Variants in RPS6KB1 observed in about 807,000 individuals in gnomAD.
RPS6KB1 encodes ribosomal protein S6 kinase beta-1.
RPS6KB1 carries 12 observed loss-of-function variants against 70.2 expected under a neutral mutation model. The observed-to-expected ratio is 0.17, with a 90% CI of 0.11 to 0.28. The LOEUF is 0.28. Among genes scored for constraint, RPS6KB1 ranks in the 10% least tolerant of loss-of-function variants. The probability of loss-of-function intolerance (pLI) is 1.00; values close to 1 mark genes in which losing one functional copy is unlikely to be tolerated. For synonymous variants in RPS6KB1, 175 were observed against 211.2 expected, an observed-to-expected ratio of 0.83 and a Z score of 1.49; for missense variants, 270 against 646.6, an observed-to-expected ratio of 0.42 and a Z score of 6.32.
intron 4 of RPS6KB1, among the ~76,000 whole-genome samples, chr17:59,920,381 T>TA (rs893005919): frequency 6.6e-6 from 1 of 152,192 alleles, no homozygotes; most frequent in Non-Finnish European, 1.5e-5. Flanking sequence ...AGTGACTTTT[T>TA]AAAAAAATTA....
intron 10 of RPS6KB1, among the ~76,000 whole-genome samples, chr17:59,935,984 G>A (rs1357662186): frequency 6.6e-6 from 1 of 151,232 alleles, no homozygotes; most frequent in African/African-American, 2.4e-5. Flanking sequence ...GCTAATTTTT[G>A]TATTTTTAGT....
chr17:59,917,540 C>T lies in RPS6KB1; in HGVS notation c.381+2837C>T, dbSNP rs1289527262. Among the ~76,000 whole-genome samples the T allele has an allele frequency of 3.9e-5, 6 of 152,206 alleles. No homozygotes were observed. In the East Asian group the frequency reaches 7.7e-4, roughly 20 times the overall value. On this transcript the variant is annotated intron_variant, in intron 4 of 14. Transcript: ENST00000225577. ...GTAACCTGTAACTCCTGGGCTCAAG[C>T]GATCCTCCTGCCACAACTTCTGAGT... is the stretch of plus-strand genomic sequence containing the variant.
chr17:59,931,783 G>A, intron 7 of RPS6KB1, 61 bp downstream of exon 7: 1 of 1,191,188 alleles, frequency 8.4e-7, no homozygotes, highest in Non-Finnish European at 1.2e-6. Flanking sequence ...TCCCACATAG[G>A]TCGTGGCCAT....
At chr17:59,945,125 C>T (rs1399794322) in intron 13 of RPS6KB1, 1 of 242,362 alleles carries the variant, frequency 4.1e-6, no homozygotes, top group Non-Finnish European at 8.0e-6. Context: ...TCATATGGAG[C>T]CTGAATTTTC....
In RPS6KB1 at chr17:59,893,280, G is replaced by A; in HGVS notation, c.96G>A (p.Leu32=). 1 of 1,612,152 alleles carries A rather than the reference G, an allele frequency of 6.2e-7. No homozygotes were observed. Among genetic ancestry groups the A allele is most frequent in the Non-Finnish European group, 8.5e-7 (1 of 1,179,328 alleles). ...TGGCAGGAGTGTTTGACATAGACCTGGACCAGCCAGAGGACGCGGGCTCTG... is the reference window on the plus strand; with the variant it reads ...TGGCAGGAGTGTTTGACATAGACCTAGACCAGCCAGAGGACGCGGGCTCTG... The part of the protein sequence containing the change: ...EDMAGVFDID[L]DQPEDAGSED... Residue 32 remains leucine, a synonymous_variant, in exon 1 of 15, where the codon CTG becomes CTA. Coordinates refer to ENST00000225577, the MANE Select transcript of RPS6KB1 (RefSeq NM_003161.4). This position sits in a 1 kb window ranked among gnomAD's most constrained non-coding sequence, Gnocchi z 4.1.
intron 3 of RPS6KB1, 119 bp downstream of exon 3, chr17:59,912,923 C>G: frequency 9.4e-7 from 1 of 1,066,362 alleles, no homozygotes; most frequent in South Asian, 1.5e-5. Context: ...GTGATCATGA[C>G]CACTTAGCTG....
rs1442597365 is a variant in RPS6KB1, at chr17:59,893,782, C to G, written c.141+457C>G. Reference sequence around the variant, plus strand: ...ACAACCACCTCTCTTCTCGGCCTGTCGCTTCTCTCCTAGGAAGCGCTCAGC... The same window carrying G: ...ACAACCACCTCTCTTCTCGGCCTGTGGCTTCTCTCCTAGGAAGCGCTCAGC... On this transcript the variant is annotated intron_variant, in intron 1 of 14. Transcript: ENST00000225577. The surrounding 1 kb of genome is among the most constrained non-coding windows in gnomAD (Gnocchi z 4.1). 2 of 990,840 alleles carry G rather than the reference C, an allele frequency of 2.0e-6. No individual in the cohort carries two copies. The highest frequency in any genetic ancestry group is 3.5e-5 in the African/African-American group (2 of 57,352). The allele number at this position is 990,840 out of a possible 1,614,324, so 61.4% of individuals were successfully genotyped here.
Position 59,923,342 on chromosome 17 carries a change from T to C in RPS6KB1, c.382-3093T>C, listed in dbSNP as rs1356362044. Among the ~76,000 whole-genome samples, 6 of 151,888 alleles carry C rather than the reference T, an allele frequency of 4.0e-5. No homozygotes were observed. In the East Asian group the frequency reaches 1.2e-3, roughly 29 times the overall value. ...GAGTAACGGGAGTATAGGTGTGTAC[T>C]ATCACACGTGGCTAATTCTTGTATT... On this transcript the variant is annotated intron_variant, in intron 4 of 14. Coordinates refer to ENST00000225577, the MANE Select transcript of RPS6KB1 (RefSeq NM_003161.4).
rs1432092030 is a variant in RPS6KB1 at position 59,893,482 on chromosome 17, T to C, written c.141+157T>C. On this transcript the variant is annotated intron_variant, in intron 1 of 14. Transcript: ENST00000225577. The surrounding 1 kb of genome is among the most constrained non-coding windows in gnomAD (Gnocchi z 4.1). ...GACAGGGGAGCGGGCGGGGCGGTCA[T>C]GGCCCTAGGTGTGAGGCCTCTGCGG... Among the ~76,000 whole-genome samples the C allele has an allele frequency of 6.6e-6, 1 of 152,180 alleles. No homozygotes were observed. The highest frequency in any genetic ancestry group is 1.5e-5 in the Non-Finnish European group (1 of 68,024).
intron 1 of RPS6KB1, among the ~76,000 whole-genome samples, chr17:59,899,060 C>T (rs934017356): frequency 1.9e-4 from 29 of 151,836 alleles, no homozygotes; most frequent in African/African-American, 4.1e-4. Flanking sequence ...AAAAATTAGC[C>T]GGGCCTGGTG....
chr17:59,910,499 GAATT>G (rs1218940962), intron 1 of RPS6KB1, 59 bp from the exon 2 acceptor site: 41 of 1,040,858 alleles, frequency 3.9e-5, no homozygotes, highest in Non-Finnish European at 5.5e-5. Flanking sequence ...ATGAGACAAA[GAATT>G]AAACCTTTAA....
chr17:59,923,445 G>A (rs993077340), intron 4 of RPS6KB1, among the ~76,000 whole-genome samples: 19 of 152,058 alleles, frequency 1.2e-4, no homozygotes, highest in South Asian at 8.3e-4. Flanking sequence ...CGCCTGCCTC[G>A]GTTTCCCAAA....
At chr17:59,904,279 C>T (rs2144718412) in intron 1 of RPS6KB1, among the ~76,000 whole-genome samples, 1 of 150,396 alleles carries the variant, frequency 6.6e-6, no homozygotes, top group South Asian at 2.1e-4. Context: ...CAGGGTTTCA[C>T]CACGTTGGTC....
At position 59,912,312 on chromosome 17, in the gene RPS6KB1, G is replaced by T. The variant is rs2042692541; in HGVS notation, c.192-372G>T. On this transcript the variant is annotated intron_variant, in intron 2 of 14. Coordinates refer to ENST00000225577, the MANE Select transcript of RPS6KB1 (RefSeq NM_003161.4). ...ATCCAGAAATACGGCCTCAATATGT[G>T]CGCCAGTGTTTCTATCAGTAAACGA... 3 of 234,040 alleles carry T rather than the reference G, an allele frequency of 1.3e-5. No individual in the cohort carries two copies. In the South Asian group the frequency reaches 1.7e-4, roughly 13 times the overall value. 14.5% of individuals were successfully genotyped at this position (234,040 alleles called of 1,614,324 possible). A position where few individuals can be genotyped will look rare whatever the true frequency, so the allele number is the denominator to read the frequency against.
chr17:59,908,642 G>A (rs1477232459), intron 1 of RPS6KB1, among the ~76,000 whole-genome samples: 1 of 116,688 alleles, frequency 8.6e-6, no homozygotes, highest in African/African-American at 3.4e-5. Context: ...TTTTTGAGAC[G>A]GAGTCTCGCT....
chr17:59,922,297 T>A (rs1189022417), intron 4 of RPS6KB1, among the ~76,000 whole-genome samples: 1 of 152,024 alleles, frequency 6.6e-6, no homozygotes, highest in Non-Finnish European at 1.5e-5. Flanking sequence ...CTCCTCGGCC[T>A]CCCAAAGTGT....
intron 1 of RPS6KB1, among the ~76,000 whole-genome samples, chr17:59,898,939 A>G (rs762888853): frequency 3.6e-4 from 54 of 150,216 alleles, no homozygotes; most frequent in Non-Finnish European, 6.8e-4. Flanking sequence ...GGGGTGGCTC[A>G]TGCCTGTAAT....
At chr17:59,926,204 T>A (rs2144918619) in intron 4 of RPS6KB1, among the ~76,000 whole-genome samples, 1 of 152,308 alleles carries the variant, frequency 6.6e-6, no homozygotes, top group East Asian at 1.9e-4. Context: ...ATTTCTTTTT[T>A]AAAAAGTCTC....
chr17:59,911,405 G>A (rs2042623779), intron 2 of RPS6KB1, among the ~76,000 whole-genome samples: 1 of 152,030 alleles, frequency 6.6e-6, no homozygotes, highest in Non-Finnish European at 1.5e-5. Context: ...CTGTCACCCA[G>A]GCTGGAGTGC....
Sources: allele counts gnomAD v4.1 joint callset (sites outside exome capture counted in the v4.1 genomes callset), GRCh38; gene constraint gnomAD v4.1.1; non-coding constraint Gnocchi (gnomAD v3.1); transcripts MANE v1.5; gene names NCBI Gene and HGNC (gene_info 2026-07-23, HGNC 2026-07-21).